PLEKHA7: variants seen among roughly 807,000 people sequenced by gnomAD.
PLEKHA7 encodes pleckstrin homology domain-containing family A member 7.
Under a neutral mutation model 170.0 loss-of-function variants are expected in PLEKHA7, and 104 were observed. The observed-to-expected ratio is 0.61, with a 90% confidence interval of 0.52 to 0.72. The LOEUF (loss-of-function observed/expected upper bound fraction) is 0.72, where lower values mean the gene tolerates loss of function less well. PLEKHA7 is among the 30% of genes least tolerant of loss of function. The probability of loss-of-function intolerance (pLI) is 0.00; values close to 1 mark genes in which losing one functional copy is unlikely to be tolerated. For synonymous variants in PLEKHA7, 648 were observed against 660.8 expected (o/e 0.98, Z 0.30); for missense variants, 1,615 against 1,671.7 (o/e 0.97, Z 0.59).
At chr11:16,797,223 G>A (rs1848295246) in intron 17 of PLEKHA7, among the ~76,000 whole-genome samples, 1 of 152,086 alleles carries the variant, frequency 6.6e-6, no homozygotes. Context: ...CTCTTGACGG[G>A]GCTGTTTAAA....
intron 3 of PLEKHA7, among the ~76,000 whole-genome samples, chr11:16,872,291 A>C (rs1854921580): frequency 6.6e-6 from 1 of 151,746 alleles, no homozygotes; most frequent in Non-Finnish European, 1.5e-5. Flanking sequence ...AAAATGTAGA[A>C]AGTAAAAAGT....
intron 3 of PLEKHA7, among the ~76,000 whole-genome samples, chr11:16,990,768 A>G (rs1375753779): frequency 6.6e-6 from 1 of 152,220 alleles, no homozygotes; most frequent in Non-Finnish European, 1.5e-5. Context: ...ACTCAACATC[A>G]GTTTCTCTCC....
At chr11:16,808,107 T>A (rs1849114400) in intron 13 of PLEKHA7, among the ~76,000 whole-genome samples, 1 of 152,238 alleles carries the variant, frequency 6.6e-6, no homozygotes, top group Non-Finnish European at 1.5e-5. Context: ...ACTGACACTT[T>A]CGGTCTGAGG....
At chr11:16,872,075 T>A (rs942381449) in intron 3 of PLEKHA7, among the ~76,000 whole-genome samples, 1 of 151,634 alleles carries the variant, frequency 6.6e-6, no homozygotes, top group Non-Finnish European at 1.5e-5. Context: ...TTCAAGTGAT[T>A]CTCCTGCTTC....
At chr11:16,841,518 T>C (rs757106193) in intron 9 of PLEKHA7, 29 bp downstream of exon 9, 5 of 1,601,378 alleles carry the variant, frequency 3.1e-6, no homozygotes, top group Non-Finnish European at 4.3e-6. Flanking sequence ...TAGGAGGTGC[T>C]GTGGCAGGGA....
chr11:17,005,311 T>C (rs1235002128), intron 3 of PLEKHA7, among the ~76,000 whole-genome samples: 2 of 120,582 alleles, frequency 1.7e-5, no homozygotes, highest in East Asian at 7.0e-4. Flanking sequence ...GTGGGCAGAT[T>C]ACTTGAGGTC....
In PLEKHA7 at chr11:16,790,529, T is replaced by C. The variant is rs1847768302; in HGVS notation, c.3052+269A>G. 5 of 420,258 alleles carry C rather than the reference T, an allele frequency of 1.2e-5. No homozygotes were observed. In the East Asian group the frequency reaches 1.7e-4, roughly 14 times the overall value. 26.0% of individuals were successfully genotyped at this position (420,258 alleles called of 1,614,324 possible). On this transcript the variant is annotated intron_variant, in intron 21 of 26. Transcript: ENST00000531066. ...ATAGGATTGTTGTGAATATCATGTC[T>C]ATATAAAGTGCTTAAACAGTGCCAG...
intron 3 of PLEKHA7, among the ~76,000 whole-genome samples, chr11:17,005,925 C>A (rs1275321609): frequency 6.6e-6 from 1 of 152,190 alleles, no homozygotes; most frequent in African/African-American, 2.4e-5. Context: ...GCTGGGAAAA[C>A]CTTTCTTAAC....
intron 3 of PLEKHA7, among the ~76,000 whole-genome samples, chr11:16,931,766 C>CA (rs1859953684): frequency 2.2e-5 from 3 of 137,186 alleles, no homozygotes; most frequent in Admixed American, 7.2e-5. Context: ...CCCCCCCCCC[C>CA]CAAAAAAAAA....
chr11:16,813,010 G>T, intron 13 of PLEKHA7, 103 bp downstream of exon 13: 2 of 903,066 alleles, frequency 2.2e-6, no homozygotes, highest in Non-Finnish European at 3.6e-6. Flanking sequence ...AATTCAGATT[G>T]GATAAGACCT....
chr11:16,779,975 C>T (rs1012770856), intron 26 of PLEKHA7, among the ~76,000 whole-genome samples: 41 of 37,302 alleles, frequency 1.1e-3, no homozygotes, highest in Middle Eastern at 0.03. Flanking sequence ...ATCTCTAAAA[C>T]GGGGAGGGGG....
At chr11:16,872,641 T>A (rs1854952836) in intron 3 of PLEKHA7, among the ~76,000 whole-genome samples, 1 of 152,082 alleles carries the variant, frequency 6.6e-6, no homozygotes, top group Non-Finnish European at 1.5e-5. Flanking sequence ...CACCTCAGCC[T>A]CCGGAGTGGC....
chr11:16,827,274 G>A lies in PLEKHA7; in HGVS notation c.873-684C>T, dbSNP rs370211102. 2.0e-4 allele frequency among the ~76,000 whole-genome samples: 30 copies of A among 152,310 alleles called. No individual in the cohort carries two copies. In the South Asian group the frequency reaches 5.6e-3, roughly 28 times the overall value. The stretch of plus-strand genomic sequence containing the variant: ...AGCAACCTGTTTCTATCTTATCAGG[G>A]AACAGTTCAAACAGAAACAACTCTC... On this transcript the variant is annotated intron_variant, in intron 9 of 26. Transcript: ENST00000531066.
chr11:16,831,926 CACTT>C (rs1851148011), intron 9 of PLEKHA7, among the ~76,000 whole-genome samples: 1 of 152,212 alleles, frequency 6.6e-6, no homozygotes, highest in African/African-American at 2.4e-5. Context: ...CCCAGCAAAA[CACTT>C]ACATTTCCCA....
chr11:16,852,843 TTTCCTTCCA>T (rs899571022), intron 6 of PLEKHA7, among the ~76,000 whole-genome samples: 5 of 152,258 alleles, frequency 3.3e-5, no homozygotes, highest in Non-Finnish European at 7.3e-5. Flanking sequence ...GCTGTTGTGT[TTTCCTTCCA>T]TTCAATATAA....
intron 9 of PLEKHA7, among the ~76,000 whole-genome samples, chr11:16,826,932 A>T (rs1038619340): frequency 7.2e-5 from 11 of 152,226 alleles, no homozygotes; most frequent in Admixed American, 7.2e-4. Flanking sequence ...CACCTGGCTG[A>T]TCATCATAAG....
In PLEKHA7 at chr11:16,817,541, C is replaced by T; in HGVS notation, c.1344-219G>A. 2 of 488,932 alleles carry T rather than the reference C, an allele frequency of 4.1e-6. No individual in the cohort carries two copies. Among genetic ancestry groups the T allele is most frequent in the Non-Finnish European group, 7.2e-6 (2 of 279,382 alleles). 30.3% of individuals were successfully genotyped at this position (488,932 alleles called of 1,614,324 possible). On this transcript the variant is annotated intron_variant, in intron 10 of 26. Transcript: ENST00000531066. The surrounding 1 kb of genome is among the most constrained non-coding windows in gnomAD (Gnocchi z 4.4). The stretch of plus-strand genomic sequence containing the variant: ...CTGTCAACTTCCTCTGCCAGGACAA[C>T]TTGGCTACCCCATGCCCATCACTTG...
At chr11:16,806,440 G>A (rs1848993668) in intron 13 of PLEKHA7, among the ~76,000 whole-genome samples, 2 of 152,164 alleles carry the variant, frequency 1.3e-5, no homozygotes, top group Admixed American at 6.5e-5. Flanking sequence ...AAAAGTCTGT[G>A]GGTGCTCATC....
intron 3 of PLEKHA7, among the ~76,000 whole-genome samples, chr11:16,908,557 G>A (rs1218782964): frequency 9.9e-5 from 15 of 151,634 alleles, no homozygotes; most frequent in East Asian, 1.9e-4. Flanking sequence ...GTGCAGTGGC[G>A]CAAACTCGGC....
Sources: gnomAD v4.1 joint callset for allele counts (sites outside exome capture counted in the v4.1 genomes callset) on GRCh38, gnomAD v4.1.1 for gene constraint, Gnocchi (gnomAD v3.1) non-coding constraint, MANE v1.5 for transcripts, NCBI Gene and HGNC (gene_info 2026-07-23, HGNC 2026-07-21) for gene names.